ZNF75D: variants seen among roughly 807,000 people sequenced by gnomAD.
The protein encoded by ZNF75D is zinc finger protein 75D.
ZNF75D carries 33 observed loss-of-function variants against 33.3 expected under a neutral mutation model. That is an observed-to-expected ratio of 0.99 (90% CI 0.75 to 1.32). The LOEUF (loss-of-function observed/expected upper bound fraction) is 1.32, where lower values mean the gene tolerates loss of function less well. Ranked by LOEUF, ZNF75D falls within the 40% of genes most tolerant of loss-of-function variation. The probability of loss-of-function intolerance (pLI) is 0.00; values close to 1 mark genes in which losing one functional copy is unlikely to be tolerated. For missense variants in ZNF75D, 338 were observed against 367.5 expected, an observed-to-expected ratio of 0.92 and a Z score of 0.66; for synonymous variants, 113 against 130.6, an observed-to-expected ratio of 0.87 and a Z score of 0.92.
intron 1 of ZNF75D, chrX:135,297,091 T>G (rs1403498089): frequency 1.8e-5 from 2 of 112,257 alleles, no homozygotes; most frequent in Non-Finnish European, 3.8e-5. Flanking sequence ...AAATTGCCAA[T>G]GTGAATCTAA....
intron 1 of ZNF75D, 36 bp downstream of exon 1, chrX:135,341,732 T>A (rs1245108275): frequency 2.7e-5 from 3 of 112,167 alleles, no homozygotes; most frequent in Non-Finnish European, 3.8e-5. Context: ...ATACCATCAG[T>A]GACTTCAAAT....
chrX:135,288,440 A>T (rs2083988563), intron 6 of ZNF75D, among the ~76,000 whole-genome samples: 1 of 112,460 alleles, frequency 8.9e-6, no homozygotes, highest in Non-Finnish European at 1.9e-5. Flanking sequence ...GTAACTCAGA[A>T]GGCTGCATTT....
At chrX:135,297,369 T>C (rs2084147175) in intron 1 of ZNF75D, 1 of 112,414 alleles carries the variant, frequency 8.9e-6, no homozygotes, top group African/African-American at 3.2e-5. Context: ...GTTTGGTTCA[T>C]CAGAGCATCG....
At chrX:135,302,468 T>C (rs146347543) in intron 1 of ZNF75D, among the ~76,000 whole-genome samples, 1 of 112,656 alleles carries the variant, frequency 8.9e-6, no homozygotes, top group East Asian at 2.8e-4. Flanking sequence ...AGTGCTTGTT[T>C]AGCTGCTAGA....
intron 6 of ZNF75D, among the ~76,000 whole-genome samples, chrX:135,289,627 G>C (rs12008719): frequency 9.0e-5 from 8 of 88,908 alleles, no homozygotes; most frequent in Admixed American, 6.3e-4. Context: ...CACACACACA[G>C]ACACACACAC....
chrX:135,311,535 T>C (rs782659947), intron 1 of ZNF75D, among the ~76,000 whole-genome samples: 2 of 112,832 alleles, frequency 1.8e-5, no homozygotes, highest in Non-Finnish European at 3.8e-5. Flanking sequence ...ATGCTTATCA[T>C]TTTTTTGTGT....
chrX:135,307,935 C>T (rs1440007356), intron 1 of ZNF75D, among the ~76,000 whole-genome samples: 2 of 112,069 alleles, frequency 1.8e-5, no homozygotes, highest in Admixed American at 9.4e-5. Flanking sequence ...GGGAACCTGG[C>T]AAGATGCAGT....
downstream of ZNF75D, among the ~76,000 whole-genome samples, chrX:135,285,448 T>C (rs1487921351): frequency 8.9e-6 from 1 of 112,485 alleles, no homozygotes; most frequent in African/African-American, 3.2e-5. Context: ...AGGCTACCAT[T>C]CTGACCATCA....
chrX:135,338,722 T>C (rs2084746806), intron 1 of ZNF75D, among the ~76,000 whole-genome samples: 1 of 111,890 alleles, frequency 8.9e-6, no homozygotes, highest in Non-Finnish European at 1.9e-5. Flanking sequence ...TTAAGGTGAC[T>C]CAATTCCTTC....
intron 5 of ZNF75D, 31 bp from the exon 6 acceptor site, chrX:135,291,166 C>T: frequency 2.5e-6 from 3 of 1,205,169 alleles, no homozygotes; most frequent in Non-Finnish European, 3.4e-6. Flanking sequence ...TAGTTTAGTA[C>T]TTGCCACTTC....
chrX:135,333,651 T>C (rs782182719), intron 1 of ZNF75D, among the ~76,000 whole-genome samples: 1 of 111,562 alleles, frequency 9.0e-6, no homozygotes, highest in Non-Finnish European at 1.9e-5. Context: ...ACCTTAAGGC[T>C]GATGAGACAT....
intron 1 of ZNF75D, among the ~76,000 whole-genome samples, chrX:135,323,371 CA>C (rs1478446735): frequency 8.9e-6 from 1 of 111,976 alleles, no homozygotes; most frequent in African/African-American, 3.2e-5. Context: ...ATAACATAAT[CA>C]GGGGTTCTGT....
chrX:135,258,642 G>A (rs961975063), intron 1 of ZNF75D, among the ~76,000 whole-genome samples: 1 of 111,410 alleles, frequency 9.0e-6, no homozygotes, highest in African/African-American at 3.3e-5. Flanking sequence ...TGATGGGGTT[G>A]TTTGTTTTTT....
intron 1 of ZNF75D, among the ~76,000 whole-genome samples, chrX:135,278,466 G>C (rs1407110239): frequency 9.0e-6 from 1 of 111,399 alleles, no homozygotes; most frequent in Non-Finnish European, 1.9e-5. Context: ...CTTTCTATTT[G>C]AATACCCTTT....
chrX:135,318,106 G>A (rs1556432620), intron 1 of ZNF75D, among the ~76,000 whole-genome samples: 2 of 96,345 alleles, frequency 2.1e-5, no homozygotes, highest in Admixed American at 1.1e-4. Context: ...TTTTTTTTGC[G>A]TATTGACAAT....
At chrX:135,253,534 A>G (rs2083791756) in intron 2 of ZNF75D, 1 of 290,542 alleles carries the variant, frequency 3.4e-6, no homozygotes, top group African/African-American at 2.8e-5. Context: ...ATTTTTGAGA[A>G]ATTAAATATA....
chrX:135,260,776 G>A (rs2083837268), intron 1 of ZNF75D, among the ~76,000 whole-genome samples: 2 of 111,303 alleles, frequency 1.8e-5, no homozygotes, highest in Middle Eastern at 4.6e-3. Flanking sequence ...TTTTTTGAAG[G>A]GTTTTTTGTG....
intron 3 of ZNF75D, 94 bp downstream of exon 3, chrX:135,293,636 G>T: frequency 1.1e-6 from 1 of 880,354 alleles, no homozygotes. Flanking sequence ...ACAGAAGAGC[G>T]ACTTAATCTG....
intron 1 of ZNF75D, among the ~76,000 whole-genome samples, chrX:135,270,456 T>A (rs1045902499): frequency 6.0e-5 from 6 of 99,662 alleles, no homozygotes; most frequent in African/African-American, 1.1e-4. Context: ...AAAATAAAAA[T>A]AAAAAATATT....
Sources: gnomAD v4.1 joint callset for allele counts (sites outside exome capture counted in the v4.1 genomes callset) on GRCh38, gnomAD v4.1.1 for gene constraint, MANE v1.5 for transcripts, NCBI Gene and HGNC (gene_info 2026-07-23, HGNC 2026-07-21) for gene names.